The following DENND6A variants were observed in gnomAD, a reference collection of about 807,000 sequenced individuals.
DENND6A encodes the protein protein DENND6A.
Under a neutral mutation model 95.5 loss-of-function variants are expected in DENND6A, and 43 were observed. That is an observed-to-expected ratio of 0.45 (90% CI 0.35 to 0.58). The LOEUF is 0.58. DENND6A is among the 20% of genes least tolerant of loss of function. The pLI is 0.00. For missense variants in DENND6A, 574 were observed against 736.0 expected (o/e 0.78, Z 2.55); for synonymous variants, 257 against 260.4 (o/e 0.99, Z 0.13).
intron 18 of DENND6A, among the ~76,000 whole-genome samples, chr3:57,630,091 T>C (rs1232379698): frequency 6.6e-6 from 1 of 152,220 alleles, no homozygotes; most frequent in East Asian, 1.9e-4. Context: ...ATTTGGCTCT[T>C]GTGAGCCAAT....
intron 5 of DENND6A, 149 bp from the exon 6 acceptor site, chr3:57,661,700 T>C (rs536868247): frequency 3.3e-6 from 2 of 608,522 alleles, no homozygotes; most frequent in Non-Finnish European, 5.5e-6. Context: ...AACAAAACCA[T>C]AGCTGCAGAA....
chr3:57,687,288 G>A (rs1039898830), intron 1 of DENND6A, among the ~76,000 whole-genome samples: 2 of 152,216 alleles, frequency 1.3e-5, no homozygotes, highest in African/African-American at 4.8e-5. Context: ...AAACCAGCTA[G>A]AACATTCCCT....
At chr3:57,630,370 T>C (rs2070639464) in intron 18 of DENND6A, 51 bp downstream of exon 18, 2 of 1,465,314 alleles carry the variant, frequency 1.4e-6, no homozygotes, top group East Asian at 2.3e-5. Flanking sequence ...AGCATAATTA[T>C]CTTTATTTTC....
intron 1 of DENND6A, among the ~76,000 whole-genome samples, chr3:57,684,729 A>G (rs971897144): frequency 2.6e-5 from 4 of 152,180 alleles, no homozygotes; most frequent in African/African-American, 9.6e-5. Flanking sequence ...GCTGCAGTGC[A>G]CTGTAGCCTG....
intron 10 of DENND6A, 57 bp downstream of exon 10, chr3:57,646,259 G>T (rs2153413898): frequency 6.4e-7 from 1 of 1,566,628 alleles, no homozygotes; most frequent in East Asian, 2.3e-5. Flanking sequence ...TCACCAACAG[G>T]TTAAGTACTG....
chr3:57,663,043 ATACAGTACCTGTACTCCCAGC>A (rs1304333057), intron 5 of DENND6A, among the ~76,000 whole-genome samples: 1 of 150,726 alleles, frequency 6.6e-6, no homozygotes, highest in Non-Finnish European at 1.5e-5. Flanking sequence ...CTACTCGGGA[ATACAGTACCTGTACTCCCAGC>A]TACTTGAACC....
At chr3:57,672,173 T>G (rs555901663) in intron 3 of DENND6A, 83 bp downstream of exon 3, 1 of 1,291,418 alleles carries the variant, frequency 7.7e-7, no homozygotes, top group African/African-American at 1.5e-5. Context: ...AATATGCTAT[T>G]TCAATCAATT....
chr3:57,657,302 T>C (rs2071345670), intron 9 of DENND6A, among the ~76,000 whole-genome samples: 1 of 152,216 alleles, frequency 6.6e-6, no homozygotes, highest in Admixed American at 6.5e-5. Context: ...ATGATTAATA[T>C]TTGCCATTTT....
chr3:57,628,455 C>T, intron 19 of DENND6A, 110 bp from the exon 20 acceptor site: 1 of 1,391,622 alleles, frequency 7.2e-7, no homozygotes, highest in Non-Finnish European at 9.5e-7. Flanking sequence ...TACTTTCAGT[C>T]TTAGACCAGA....
chr3:57,668,240 G>C (rs932586420), intron 3 of DENND6A, among the ~76,000 whole-genome samples: 2 of 152,172 alleles, frequency 1.3e-5, no homozygotes, highest in African/African-American at 4.8e-5. Context: ...TAGCAACTGG[G>C]AAGTGTAAAG....
chr3:57,673,218 A>G (rs1459293949), intron 1 of DENND6A, among the ~76,000 whole-genome samples: 1 of 149,754 alleles, frequency 6.7e-6, no homozygotes, highest in African/African-American at 2.5e-5. Flanking sequence ...CGTATCAAAA[A>G]AAAAAAAAAA....
At chr3:57,669,177 T>C (rs773716805) in intron 3 of DENND6A, among the ~76,000 whole-genome samples, 13 of 152,042 alleles carry the variant, frequency 8.6e-5, no homozygotes, top group African/African-American at 1.4e-4. Context: ...CGGCCTCCAA[T>C]TTTCATTTAA....
At chr3:57,689,967 C>A (rs1317142484) in intron 1 of DENND6A, among the ~76,000 whole-genome samples, 1 of 151,658 alleles carries the variant, frequency 6.6e-6, no homozygotes, top group Non-Finnish European at 1.5e-5. Context: ...AGGAGGATCC[C>A]TCGAGTTTAG....
At chr3:57,645,788 G>T in intron 10 of DENND6A, 32 bp from the exon 11 acceptor site, 1 of 1,532,550 alleles carries the variant, frequency 6.5e-7, no homozygotes, top group South Asian at 1.1e-5. Context: ...TAAAATAAAG[G>T]ACACAGAAAT....
intron 1 of DENND6A, among the ~76,000 whole-genome samples, chr3:57,675,519 C>T (rs1237856437): frequency 6.6e-6 from 1 of 152,202 alleles, no homozygotes; most frequent in Non-Finnish European, 1.5e-5. Flanking sequence ...CAAGGACCAT[C>T]TCCACAATAA....
chr3:57,628,174 T>G lies in DENND6A; in HGVS notation c.*40A>C, dbSNP rs780904989. 6.3e-7 allele frequency: 1 copy of G among 1,596,054 alleles called. No homozygotes were observed. The highest frequency in any genetic ancestry group is 8.5e-7 in the Non-Finnish European group (1 of 1,169,900). Reference sequence around the variant, plus strand: ...CTGGTTGAAATGTCAGTATGCTTCATGATGCATAATCCTTTTTGGCTGGAA... The same window carrying G: ...CTGGTTGAAATGTCAGTATGCTTCAGGATGCATAATCCTTTTTGGCTGGAA... On this transcript the variant is annotated 3_prime_UTR_variant, in exon 20 of 20. Transcript: ENST00000311128.
rs2071380045 is a variant in DENND6A at position 57,659,154 on chromosome 3, C to T, written c.726G>A (p.Lys242=). ...ACTGCACTATTTGAGTTGTCCCAGG[C>T]TTGTCATGACATGTGGGAATCCGTA... The part of the protein sequence containing the change: ...MKVRIPTCHD[K]PGTTQIVQLT... Residue 242 remains lysine (K), a synonymous_variant, in exon 8 of 20, where the codon AAG becomes AAA. Coordinates refer to ENST00000311128, the MANE Select transcript of DENND6A (RefSeq NM_152678.3). 6.2e-7 allele frequency: 1 copy of T among 1,613,844 alleles called. No homozygotes were observed. The highest frequency in any genetic ancestry group is 1.3e-5 in the African/African-American group (1 of 74,882).
chr3:57,676,920 T>C (rs1211735376), intron 1 of DENND6A, among the ~76,000 whole-genome samples: 1 of 152,064 alleles, frequency 6.6e-6, no homozygotes, highest in Non-Finnish European at 1.5e-5. Flanking sequence ...ACCTCCCAGG[T>C]TCAAGCGATT....
chr3:57,638,428 C>T (rs761115153), intron 12 of DENND6A, among the ~76,000 whole-genome samples: 14 of 151,674 alleles, frequency 9.2e-5, no homozygotes, highest in Non-Finnish European at 1.9e-4. Flanking sequence ...GAGGCCAAGG[C>T]GGGTGGATCA....
Sources: gnomAD v4.1 joint callset for allele counts (sites outside exome capture counted in the v4.1 genomes callset) on GRCh38, gnomAD v4.1.1 for gene constraint, MANE v1.5 for transcripts, NCBI Gene and HGNC (gene_info 2026-07-23, HGNC 2026-07-21) for gene names.